The following R3HDM2 variants were observed in gnomAD, a reference collection of about 807,000 sequenced individuals.
The protein encoded by R3HDM2 is R3H domain-containing protein 2.
Under a neutral mutation model 124.5 loss-of-function variants are expected in R3HDM2, and 38 were observed. The ratio of observed to expected loss-of-function variants is 0.31; its 90% CI spans 0.24 to 0.40. The LOEUF is 0.40. Among genes scored for constraint, R3HDM2 ranks in the 10% least tolerant of loss-of-function variants. The pLI is 1.00. For synonymous variants in R3HDM2, 391 were observed against 448.0 expected (o/e 0.87, Z 1.61); for missense variants, 869 against 1,236.9 (o/e 0.70, Z 4.46).
At chr12:57,314,647 T>C (rs976753463) in intron 2 of R3HDM2, among the ~76,000 whole-genome samples, 22 of 152,316 alleles carry the variant, frequency 1.4e-4, no homozygotes, top group African/African-American at 5.1e-4. Context: ...TCACTAGTTA[T>C]GAAATAGTCT....
intron 2 of R3HDM2, among the ~76,000 whole-genome samples, chr12:57,387,966 A>ATTTT (rs56926878): frequency 4.7e-4 from 71 of 151,068 alleles, no homozygotes; most frequent in Middle Eastern, 3.4e-3. Context: ...GACAAAAAAA[A>ATTTT]TTTTTTTTTT....
chr12:57,410,067 A>AT (rs1374055259), intron 1 of R3HDM2, among the ~76,000 whole-genome samples: 1 of 152,046 alleles, frequency 6.6e-6, no homozygotes, highest in Non-Finnish European at 1.5e-5. Context: ...AATGTTTAGC[A>AT]TTTTTTTCTA....
chr12:57,371,670 T>G (rs963218689), intron 2 of R3HDM2, among the ~76,000 whole-genome samples: 8 of 152,178 alleles, frequency 5.3e-5, no homozygotes, highest in African/African-American at 1.9e-4. Context: ...CTTTCCTAAA[T>G]GAGTAACATC....
At chr12:57,295,378 C>T (rs1322033008) in intron 10 of R3HDM2, 21 bp downstream of exon 10, 1 of 1,502,718 alleles carries the variant, frequency 6.7e-7, no homozygotes, top group Non-Finnish European at 9.1e-7. Flanking sequence ...CTATATAGGC[C>T]CACCCCTTTC....
At chr12:57,380,925 T>A (rs2064772029) in intron 2 of R3HDM2, among the ~76,000 whole-genome samples, 1 of 151,884 alleles carries the variant, frequency 6.6e-6, no homozygotes, top group Non-Finnish European at 1.5e-5. Flanking sequence ...ATTGGAGAGG[T>A]GGGCAGAAAG....
chr12:57,364,005 G>A (rs1473840407), intron 2 of R3HDM2, among the ~76,000 whole-genome samples: 3 of 152,074 alleles, frequency 2.0e-5, no homozygotes, highest in Non-Finnish European at 2.9e-5. Flanking sequence ...ATTTTAGGTT[G>A]ATAGGTTTTT....
intron 2 of R3HDM2, among the ~76,000 whole-genome samples, chr12:57,360,006 AATATAT>A (rs1366274892): frequency 8.5e-6 from 1 of 117,690 alleles, no homozygotes; most frequent in Admixed American, 9.6e-5. Flanking sequence ...TAAATAAATA[AATATAT>A]ATATATATAT....
At chr12:57,418,598 G>A (rs1004767910) in intron 1 of R3HDM2, among the ~76,000 whole-genome samples, 4 of 147,462 alleles carry the variant, frequency 2.7e-5, no homozygotes, top group Non-Finnish European at 3.0e-5. Context: ...AGTCTCTGTC[G>A]TCCAGGCTGG....
rs1346452373 is a variant in R3HDM2, at chr12:57,258,011, G to A, written c.2428C>T (p.Arg810Trp). The A allele has an allele frequency of 1.9e-6, 3 of 1,572,516 alleles. No homozygotes were observed. Among genetic ancestry groups the A allele is most frequent in the Non-Finnish European group, 1.7e-6 (2 of 1,152,840 alleles). Reference sequence around the variant, plus strand: ...CTACCCTGTGCTGGACCCCCAGGCCGGGGGAACTGTGTGAGGACAGGCAGG... The same window carrying A: ...CTACCCTGTGCTGGACCCCCAGGCCAGGGGAACTGTGTGAGGACAGGCAGG... ...SPLPVLTQFP[R>W]PGGPAQGDGR... The change falls in exon 21 of 24, where the codon CGG (arginine) becomes TGG (tryptophan). Residue 810 changes from arginine to tryptophan, a missense_variant. By Grantham distance (101) the Arg-to-Trp change is moderately radical. Coordinates refer to ENST00000402412, the MANE Select transcript of R3HDM2 (RefSeq NM_001394031.1).
chr12:57,366,350 A>C (rs1006856321), intron 2 of R3HDM2, among the ~76,000 whole-genome samples: 30 of 152,092 alleles, frequency 2.0e-4, no homozygotes, highest in African/African-American at 7.0e-4. Context: ...ATTTTGCATT[A>C]AGTTTCATTT....
In R3HDM2 at chr12:57,269,552, A is replaced by G. The variant is rs2043156168; in HGVS notation, c.1588-103T>C. Reference sequence around the variant, plus strand: ...AAGATTGATGGCCAGAAATATGTAAACGGAGATATTTTGGACCTGCAATTG... The same window carrying G: ...AAGATTGATGGCCAGAAATATGTAAGCGGAGATATTTTGGACCTGCAATTG... On this transcript the variant is annotated intron_variant, in intron 15 of 23. Coordinates refer to ENST00000402412, the MANE Select transcript of R3HDM2 (RefSeq NM_001394031.1). 4 of 1,502,596 alleles carry G rather than the reference A, an allele frequency of 2.7e-6. No homozygotes were observed. The African/African-American group carries it at 5.6e-5, about 21-fold the overall frequency. The allele number at this position is 1,502,596 out of a possible 1,614,324, so 93.1% of individuals were successfully genotyped here.
intron 12 of R3HDM2, among the ~76,000 whole-genome samples, chr12:57,287,368 ATTTTTTG>A (rs1418949694): frequency 6.6e-6 from 1 of 152,110 alleles, no homozygotes; most frequent in African/African-American, 2.4e-5. Flanking sequence ...AGGAATCCTG[ATTTTTTG>A]TTTTTTGTTT....
chr12:57,382,603 G>A (rs549004134), intron 2 of R3HDM2, among the ~76,000 whole-genome samples: 113 of 149,512 alleles, frequency 7.6e-4, no homozygotes, highest in Admixed American at 1.4e-3. Context: ...TTGGGAGGCC[G>A]AGGAGGGCCG....
At chr12:57,407,372 T>C (rs1196706090) in intron 1 of R3HDM2, among the ~76,000 whole-genome samples, 2 of 152,156 alleles carry the variant, frequency 1.3e-5, no homozygotes, top group East Asian at 3.8e-4. Context: ...CAGTGAAATA[T>C]GAACACCAGA....
Position 57,255,052 on chromosome 12 carries a change from G to T in R3HDM2, c.2694C>A (p.Asp898Glu). ...LPEGITRTEA[D>E]KLFTQLAMSG... ...ACATGGCGAGCTGCGTGAAGAGTTT[G>T]TCCGCCTCAGTACGGGTGATGCCCT... The change falls in exon 24 of 24, where the codon GAC becomes GAA. Residue 898 changes from aspartate to glutamate, a missense_variant. Transcript: ENST00000402412. 6.2e-7 allele frequency: 1 copy of T among 1,611,560 alleles called. No homozygotes were observed. The highest frequency in any genetic ancestry group is 8.5e-7 in the Non-Finnish European group (1 of 1,178,780).
At chr12:57,389,663 G>A (rs2066371664) in intron 2 of R3HDM2, among the ~76,000 whole-genome samples, 1 of 152,150 alleles carries the variant, frequency 6.6e-6, no homozygotes, top group Non-Finnish European at 1.5e-5. Flanking sequence ...AGGTTGGAAA[G>A]GCTGCTTTAA....
chr12:57,318,874 C>T (rs1392105715), intron 2 of R3HDM2, among the ~76,000 whole-genome samples: 1 of 152,150 alleles, frequency 6.6e-6, no homozygotes, highest in South Asian at 2.1e-4. Flanking sequence ...AGAAGTTAAA[C>T]ACTTTGCTTA....
intron 22 of R3HDM2, 104 bp from the exon 23 acceptor site, chr12:57,256,178 C>T (rs956857189): frequency 8.6e-7 from 1 of 1,168,016 alleles, no homozygotes; most frequent in Non-Finnish European, 1.3e-6. Context: ...ACCCAGAGGA[C>T]CCCACCCCAC....
chr12:57,388,920 T>C (rs2066275464), intron 2 of R3HDM2, among the ~76,000 whole-genome samples: 1 of 152,158 alleles, frequency 6.6e-6, no homozygotes, highest in Admixed American at 6.6e-5. Flanking sequence ...TAACTAGTAG[T>C]GGGAGATACA....
Sources: allele counts gnomAD v4.1 joint callset (sites outside exome capture counted in the v4.1 genomes callset), GRCh38; gene constraint gnomAD v4.1.1; transcripts MANE v1.5; gene names NCBI Gene and HGNC (gene_info 2026-07-23, HGNC 2026-07-21).